AGBL4: variants seen among roughly 807,000 people sequenced by gnomAD.
AGBL4 encodes cytosolic carboxypeptidase 6.
In AGBL4, 58 loss-of-function variants were observed where a neutral mutation model predicts 66.4. The observed-to-expected ratio is 0.87, with a 90% CI of 0.71 to 1.09. The LOEUF (loss-of-function observed/expected upper bound fraction) is 1.09, where lower values mean the gene tolerates loss of function less well. AGBL4 is among the 50% of genes least tolerant of loss of function. The probability of loss-of-function intolerance (pLI) is 0.00; values close to 1 mark genes in which losing one functional copy is unlikely to be tolerated. For missense variants in AGBL4, 579 were observed against 631.0 expected, an observed-to-expected ratio of 0.92 and a Z score of 0.88; for synonymous variants, 234 against 222.9, an observed-to-expected ratio of 1.05 and a Z score of -0.44.
At chr1:48,727,753 G>A (rs774742360) in intron 6 of AGBL4, 23 of 791,416 alleles carry the variant, frequency 2.9e-5, no homozygotes, top group Middle Eastern at 2.7e-4. Flanking sequence ...AGAACAAGCC[G>A]CTGACCCCAG....
chr1:49,075,625 T>C (rs1316559257), intron 4 of AGBL4, among the ~76,000 whole-genome samples: 3 of 152,158 alleles, frequency 2.0e-5, no homozygotes, highest in African/African-American at 4.8e-5. Context: ...TAAAAGCAAC[T>C]CTATGAGGCA....
At chr1:49,150,623 T>C (rs1646309201) in intron 4 of AGBL4, among the ~76,000 whole-genome samples, 1 of 152,212 alleles carries the variant, frequency 6.6e-6, no homozygotes, top group Non-Finnish European at 1.5e-5. Context: ...CCTCTCTCAC[T>C]ACTCTGCACA....
At chr1:49,007,902 A>T (rs187817378) in intron 5 of AGBL4, among the ~76,000 whole-genome samples, 26 of 149,682 alleles carry the variant, frequency 1.7e-4, no homozygotes, top group Admixed American at 5.3e-4. Context: ...AGGAACAACC[A>T]GTACCAGCCA....
At chr1:48,719,378 AGGGG>A (rs113004895) in intron 6 of AGBL4, among the ~76,000 whole-genome samples, 1 of 152,180 alleles carries the variant, frequency 6.6e-6, no homozygotes, top group African/African-American at 2.4e-5. Context: ...TTAAGGAGGA[AGGGG>A]GGTGGGCATC....
chr1:48,767,906 C>T (rs965486367), intron 6 of AGBL4, among the ~76,000 whole-genome samples: 4 of 152,208 alleles, frequency 2.6e-5, no homozygotes, highest in African/African-American at 9.6e-5. Context: ...ATCCATTCAA[C>T]AAATACTGAG....
intron 4 of AGBL4, among the ~76,000 whole-genome samples, chr1:49,136,978 AT>A (rs1646024444): frequency 6.6e-6 from 1 of 152,164 alleles, no homozygotes; most frequent in Non-Finnish European, 1.5e-5. Flanking sequence ...CTATGATCTA[AT>A]TTTTGTTCCC....
intron 6 of AGBL4, chr1:48,776,935 G>A (rs1645128719): frequency 3.5e-6 from 2 of 579,384 alleles, no homozygotes; most frequent in South Asian, 5.8e-5. Context: ...GTGCTGGGGG[G>A]GGCGGGGGCG....
intron 11 of AGBL4, among the ~76,000 whole-genome samples, chr1:48,564,153 G>T (rs1383995692): frequency 6.6e-6 from 1 of 151,828 alleles, no homozygotes; most frequent in African/African-American, 2.4e-5. Context: ...CCCTGTTCAG[G>T]CCTCATGGTC....
At chr1:49,903,164 T>C (rs1183086374) in intron 1 of AGBL4, among the ~76,000 whole-genome samples, 3 of 152,108 alleles carry the variant, frequency 2.0e-5, no homozygotes, top group Non-Finnish European at 1.5e-5. Flanking sequence ...TACCTAGCCA[T>C]AAAAAAGAAT....
At chr1:49,966,469 C>T (rs1239538636) in intron 1 of AGBL4, among the ~76,000 whole-genome samples, 6 of 152,054 alleles carry the variant, frequency 3.9e-5, no homozygotes, top group African/African-American at 1.2e-4. Context: ...GCTATTATTC[C>T]TTTCTGTAAA....
intron 1 of AGBL4, among the ~76,000 whole-genome samples, chr1:49,916,031 T>G (rs1651439967): frequency 6.6e-6 from 1 of 152,016 alleles, no homozygotes; most frequent in Admixed American, 6.6e-5. Flanking sequence ...GACCTGATTG[T>G]TAGAAGGAAA....
At chr1:49,521,764 T>G (rs1417448487) in intron 3 of AGBL4, among the ~76,000 whole-genome samples, 1 of 152,102 alleles carries the variant, frequency 6.6e-6, no homozygotes, top group Non-Finnish European at 1.5e-5. Context: ...AATTAATGAC[T>G]AAGTCCTCAA....
At chr1:48,675,558 G>A (rs756835751) in intron 6 of AGBL4, among the ~76,000 whole-genome samples, 1 of 152,180 alleles carries the variant, frequency 6.6e-6, no homozygotes, top group Non-Finnish European at 1.5e-5. Context: ...CTCAATAATG[G>A]ATTTTAAAAC....
chr1:50,011,199 A>G (rs1472617696), intron 1 of AGBL4, among the ~76,000 whole-genome samples: 1 of 152,190 alleles, frequency 6.6e-6, no homozygotes, highest in East Asian at 1.9e-4. Flanking sequence ...GAAAAAAGTC[A>G]GTAATCTGAT....
chr1:49,518,200 C>A (rs1649984455), intron 3 of AGBL4, among the ~76,000 whole-genome samples: 2 of 152,046 alleles, frequency 1.3e-5, no homozygotes, highest in Admixed American at 6.6e-5. Flanking sequence ...AGGTTACATT[C>A]ATTCAGTCTG....
intron 5 of AGBL4, among the ~76,000 whole-genome samples, chr1:48,969,106 C>A (rs1016234025): frequency 2.0e-5 from 3 of 150,028 alleles, no homozygotes; most frequent in African/African-American, 7.4e-5. Flanking sequence ...CCCTCCCTCC[C>A]TCCCTCTTTT....
chr1:49,746,940 C>G lies in AGBL4; in HGVS notation c.158-49503G>C, dbSNP rs184326197. Among the ~76,000 whole-genome samples, 18 of 152,136 alleles carry G rather than the reference C, an allele frequency of 1.2e-4. No individual in the cohort carries two copies. The East Asian group carries it at 2.7e-3, about 23-fold the overall frequency. On this transcript the variant is annotated intron_variant, in intron 2 of 13. Transcript: ENST00000371839. ...ATGAGTTTATCATGCCCATAAGATA[C>G]TTACAAGTAGGAGCAAGCACAATCC...
intron 4 of AGBL4, among the ~76,000 whole-genome samples, chr1:49,107,516 G>T (rs1461195927): frequency 6.6e-6 from 1 of 152,080 alleles, no homozygotes; most frequent in African/African-American, 2.4e-5. Context: ...GAGCAGGTGT[G>T]ACTAAAATTA....
chr1:49,197,497 T>C (rs2148221608), intron 4 of AGBL4, among the ~76,000 whole-genome samples: 1 of 152,270 alleles, frequency 6.6e-6, no homozygotes, highest in South Asian at 2.1e-4. Flanking sequence ...AAATCCCCGT[T>C]AACCAGGAAA....
Sources: allele counts gnomAD v4.1 joint callset (sites outside exome capture counted in the v4.1 genomes callset), GRCh38; gene constraint gnomAD v4.1.1; transcripts MANE v1.5; gene names NCBI Gene and HGNC (gene_info 2026-07-23, HGNC 2026-07-21).